The following SAGE1 variants were observed in gnomAD, a reference collection of about 807,000 sequenced individuals.
The protein encoded by SAGE1 is sarcoma antigen 1, also known as cancer/testis antigen 14.
A neutral mutation model predicts 55.4 loss-of-function variants in SAGE1; 55 were observed. The observed-to-expected ratio is 0.99, with a 90% CI of 0.80 to 1.24. The LOEUF (loss-of-function observed/expected upper bound fraction) is 1.24. Ranked by LOEUF, SAGE1 falls within the 50% of genes most tolerant of loss-of-function variation. The probability of loss-of-function intolerance (pLI) is 0.00; values close to 1 mark genes in which losing one functional copy is unlikely to be tolerated. For missense variants in SAGE1, 710 were observed against 704.4 expected (o/e 1.01, Z -0.09); for synonymous variants, 240 against 244.3 (o/e 0.98, Z 0.17).
intron 19 of SAGE1, 116 bp from the exon 20 acceptor site, chrX:135,912,682 G>A: frequency 1.8e-6 from 2 of 1,113,186 alleles, no homozygotes; most frequent in Admixed American, 3.4e-5. Flanking sequence ...TTTCAATGAG[G>A]ATGCATTTTC....
Position 135,911,949 on chromosome X carries a change from G to A in SAGE1, c.2517G>A (p.Gly839=), listed in dbSNP as rs1556606837. The A allele has an allele frequency of 8.3e-7, 1 of 1,208,455 alleles. No individual in the cohort carries two copies. The highest frequency in any genetic ancestry group is 1.1e-6 in the Non-Finnish European group (1 of 893,367). ...TAATGAAAGAAGTTCGAAGGTTTGG[G>A]CAAAGTAAGTACTGCAAGAATGTCT... The part of the protein sequence containing the change: ...YQLMKEVRRF[G]QNYERIFILL... Residue 839 remains glycine (G), a synonymous_variant, in exon 18 of 20, where the codon GGG becomes GGA. Coordinates refer to ENST00000370709, the MANE Select transcript of SAGE1 (RefSeq NM_001381902.1).
At chrX:135,905,204 G>T (rs781851359) in intron 4 of SAGE1, 48 bp from the exon 5 acceptor site, 1 of 1,154,682 alleles carries the variant, frequency 8.7e-7, no homozygotes, top group Non-Finnish European at 1.2e-6. Flanking sequence ...TGGTTCAATT[G>T]TCATAATGCA....
chrX:135,903,587 A>G (rs1395367024), intron 3 of SAGE1, among the ~76,000 whole-genome samples: 2 of 112,696 alleles, frequency 1.8e-5, no homozygotes, highest in Admixed American at 9.4e-5. Flanking sequence ...GTAGAATCAT[A>G]TAAAAATACA....
chrX:135,907,133 G>A (rs1306783714), intron 8 of SAGE1, 67 bp downstream of exon 8: 5 of 1,113,279 alleles, frequency 4.5e-6, no homozygotes, highest in Non-Finnish European at 6.1e-6. Context: ...TCATGAAGGG[G>A]AGATGGAGGT....
At chrX:135,901,419 T>C in intron 2 of SAGE1, 140 bp from the exon 3 acceptor site, 1 of 602,485 alleles carries the variant, frequency 1.7e-6, no homozygotes, top group Non-Finnish European at 2.6e-6. Context: ...ATCGTGTATG[T>C]TCAGGGATGA....
chrX:135,906,075 C>G lies in SAGE1; in HGVS notation c.506C>G (p.Pro169Arg), dbSNP rs1556600611. 8.3e-7 allele frequency: 1 copy of G among 1,206,924 alleles called. No homozygotes were observed. Among genetic ancestry groups the G allele is most frequent in the Non-Finnish European group, 1.1e-6 (1 of 891,572 alleles). The change falls in exon 6 of 20, where the codon CCC becomes CGC. Residue 169 changes from proline to arginine, a missense_variant. Physicochemically the swap from Pro to Arg is moderately radical, Grantham distance 103. Transcript: ENST00000370709. ...GAAGAGAGAATGGAAAATGGCCAAC[C>G]CCAACCTGATAACGTCTTGTCAACT... Reference protein sequence around the residue: ...IREERMENGQPQPDNVLSTGP... With the variant: ...IREERMENGQRQPDNVLSTGP...
At chrX:135,894,416 A>G (rs1203042829) in intron 1 of SAGE1, among the ~76,000 whole-genome samples, 8 of 112,396 alleles carry the variant, frequency 7.1e-5, no homozygotes, top group Admixed American at 6.6e-4. Flanking sequence ...AATTTTTTCC[A>G]TTTTACCTAA....
chrX:135,895,507 G>C (rs1186653650), intron 1 of SAGE1, among the ~76,000 whole-genome samples: 1 of 112,128 alleles, frequency 8.9e-6, no homozygotes, highest in Non-Finnish European at 1.9e-5. Flanking sequence ...AGAGGGTTAG[G>C]CCCACTACCC....
chrX:135,908,146 CT>C lies in SAGE1; in HGVS notation c.1218del (p.Asp407IlefsTer22). On this transcript the variant is annotated frameshift_variant, in exon 11 of 20. Transcript: ENST00000370709. LOFTEE classifies it high-confidence loss of function. ...AAGAAAGATAACAGCCAACCAACCC[CT>C]GATAACGTCTTGTCAGCTGTTACAC... ...EEKKDNSQPT[P>X]DNVLSAVTPE... The C allele has an allele frequency of 4.1e-6, 5 of 1,208,613 alleles. No homozygotes were observed. The highest frequency in any genetic ancestry group is 5.6e-6 in the Non-Finnish European group (5 of 893,022).
Position 135,910,050 on chromosome X carries a change from G to A in SAGE1, c.1744G>A (p.Val582Ile), listed in dbSNP as rs1556605323. Residue 582 changes from valine (V) to isoleucine (I), a missense_variant, in exon 15 of 20, where the codon GTC becomes ATC. Coordinates refer to ENST00000370709, the MANE Select transcript of SAGE1 (RefSeq NM_001381902.1). Reference sequence around the variant, plus strand: ...TCCAGATGCTACCGTCACTCACAATGTCCATGAAGAGAAGATTAAAAATGG... The same window carrying A: ...TCCAGATGCTACCGTCACTCACAATATCCATGAAGAGAAGATTAAAAATGG... Reference protein sequence around the residue: ...RDQYATVTHNVHEEKIKNGQA... With the variant: ...RDQYATVTHNIHEEKIKNGQA... The A allele has an allele frequency of 8.3e-7, 1 of 1,209,640 alleles. No individual in the cohort carries two copies. Among genetic ancestry groups the A allele is most frequent in the Non-Finnish European group, 1.1e-6 (1 of 894,158 alleles).
At chrX:135,908,254 A>G (rs781796701) in intron 11 of SAGE1, 25 bp downstream of exon 11, 6 of 1,176,434 alleles carry the variant, frequency 5.1e-6, no homozygotes, top group Admixed American at 4.5e-5. Context: ...TAGTTGTACT[A>G]TCCTACTTGG....
chrX:135,909,866 A>G (rs2088864333), intron 14 of SAGE1, 87 bp downstream of exon 14: 1 of 1,003,072 alleles, frequency 1.0e-6, no homozygotes, highest in Admixed American at 2.8e-5. Flanking sequence ...GTTTTGTTGT[A>G]TTATCTTTCA....
chrX:135,911,509 C>T lies in SAGE1; in HGVS notation c.2147-70C>T, dbSNP rs1326590254. ...AGATAACTCCCTAGAAACTGGGCATCGGAGGGATATACTGTGGGGGTGACA... is the reference window on the plus strand; with the variant it reads ...AGATAACTCCCTAGAAACTGGGCATTGGAGGGATATACTGTGGGGGTGACA... On this transcript the variant is annotated intron_variant, in intron 17 of 19. Coordinates refer to ENST00000370709, the MANE Select transcript of SAGE1 (RefSeq NM_001381902.1). 26 of 921,440 alleles carry T rather than the reference C, an allele frequency of 2.8e-5. No homozygotes were observed. The South Asian group carries it at 3.6e-4, about 13-fold the overall frequency. 75.9% of individuals were successfully genotyped at this position (921,440 alleles called of 1,213,427 possible).
rs782255222 is a variant in SAGE1, at chrX:135,905,925, A to T, written c.455-99A>T. The T allele has an allele frequency of 1.5e-5, 11 of 742,519 alleles. No individual in the cohort carries two copies. In the African/African-American group the frequency reaches 2.4e-4, roughly 16 times the overall value. 61.2% of individuals were successfully genotyped at this position (742,519 alleles called of 1,213,427 possible). A position where few individuals can be genotyped will look rare whatever the true frequency, so the allele number is the denominator to read the frequency against. On this transcript the variant is annotated intron_variant, in intron 5 of 19. Transcript: ENST00000370709. ...ACCACCTGATATGTCCTCCTGGTTT[A>T]TGGGATAATTTCCTAGAAACTGAGC...
intron 16 of SAGE1, 118 bp from the exon 17 acceptor site, chrX:135,911,074 T>G: frequency 1.3e-6 from 1 of 797,862 alleles, no homozygotes; most frequent in Non-Finnish European, 1.8e-6. Flanking sequence ...GATTGCCACC[T>G]GGTATATCCT....
intron 2 of SAGE1, among the ~76,000 whole-genome samples, chrX:135,898,780 G>A (rs1285931924): frequency 2.7e-5 from 3 of 111,815 alleles, no homozygotes; most frequent in Admixed American, 9.5e-5. Context: ...TGTTGCCCGC[G>A]TGAATATCTT....
chrX:135,911,579 A>G lies in SAGE1; in HGVS notation c.2147A>G (p.Tyr716Cys), dbSNP rs2088898930. 1 of 1,183,509 alleles carries G rather than the reference A, an allele frequency of 8.4e-7. No homozygotes were observed. Among genetic ancestry groups the G allele is most frequent in the African/African-American group, 1.8e-5 (1 of 56,657 alleles). The change falls in exon 18 of 20, where the codon TAT becomes TGT. Residue 716 changes from tyrosine to cysteine, a missense_variant and splice_region_variant. Coordinates refer to ENST00000370709, the MANE Select transcript of SAGE1 (RefSeq NM_001381902.1). ...GISCRSTRDL[Y>C]ATVIHDIQEE... ...CTCAATTTTTTCATTTGGATTCCAG[A>G]TGCTACTGTCATTCACGATATCCAG...
At chrX:135,905,537 T>G (rs1352001015) in intron 5 of SAGE1, 145 bp downstream of exon 5, 1 of 521,318 alleles carries the variant, frequency 1.9e-6, no homozygotes, top group African/African-American at 2.3e-5. Context: ...AATCCTCCCC[T>G]GATTTCCTAG....
intron 3 of SAGE1, among the ~76,000 whole-genome samples, chrX:135,902,738 G>A (rs1377150111): frequency 9.0e-6 from 1 of 111,650 alleles, no homozygotes; most frequent in Non-Finnish European, 1.9e-5. Flanking sequence ...TCACTTATGA[G>A]TTATCTCATG....
Sources: allele counts gnomAD v4.1 joint callset (sites outside exome capture counted in the v4.1 genomes callset), GRCh38; gene constraint gnomAD v4.1.1; transcripts MANE v1.5; gene names NCBI Gene and HGNC (gene_info 2026-07-23, HGNC 2026-07-21).